CLCN7: variants seen among roughly 807,000 people sequenced by gnomAD.
CLCN7 encodes H(+)/Cl(-) exchange transporter 7.
A neutral mutation model predicts 102.1 loss-of-function variants in CLCN7; 60 were observed. The observed-to-expected ratio is 0.59, with a 90% CI of 0.48 to 0.73. The LOEUF (loss-of-function observed/expected upper bound fraction) is 0.73. Among genes scored for constraint, CLCN7 ranks in the 30% least tolerant of loss-of-function variants. The probability of loss-of-function intolerance (pLI) is 0.00; values close to 1 mark genes in which losing one functional copy is unlikely to be tolerated. For synonymous variants in CLCN7, 560 were observed against 490.5 expected (o/e 1.14, Z -1.87); for missense variants, 962 against 1,125.7 (o/e 0.85, Z 2.08).
intron 1 of CLCN7, among the ~76,000 whole-genome samples, chr16:1,472,369 T>C (rs8050355): frequency 0.17 from 25,172 of 151,944 alleles, 2,191 homozygotes; most frequent in African/African-American, 0.2. Flanking sequence ...TAGCTAGGAT[T>C]ACAGGCGCTC....
At chr16:1,455,567 G>A (rs2038822109) in intron 11 of CLCN7, 164 bp downstream of exon 11, 4 of 809,010 alleles carry the variant, frequency 4.9e-6, no homozygotes, top group South Asian at 2.9e-5. Flanking sequence ...GAACTGGGCA[G>A]CAAAGGCAGG....
Position 1,457,310 on chromosome 16 carries a change from C to G in CLCN7, c.766G>C (p.Val256Leu). The G allele has an allele frequency of 6.2e-7, 1 of 1,614,022 alleles. No individual in the cohort carries two copies. Among genetic ancestry groups the G allele is most frequent in the Non-Finnish European group, 8.5e-7 (1 of 1,180,036 alleles). Residue 256 changes from valine (V) to leucine (L), a missense_variant, in exon 9 of 25, where the codon GTG becomes CTG. Transcript: ENST00000382745. This position sits in a 1 kb window ranked among gnomAD's most constrained non-coding sequence, Gnocchi z 5.4. ...KEGPMIHSGS[V>L]IAAGISQGRS... The stretch of plus-strand genomic sequence containing the variant: ...CCCTGAGAGATCCCGGCGGCAATCA[C>G]TGAACCTGAGTGGATCATCGGCCCT...
chr16:1,447,450 C>T lies in CLCN7; in HGVS notation c.2192G>A (p.Arg731Gln), dbSNP rs369873953. The change falls in exon 23 of 25, where the codon CGG becomes CAG. Residue 731 changes from arginine (R) to glutamine (Q), a missense_variant. This residue lies in a region of CLCN7 where 799 missense variants were observed against 988.0 expected (regional missense o/e 0.81). Coordinates refer to ENST00000382745, the MANE Select transcript of CLCN7 (RefSeq NM_001287.6). The part of the protein sequence containing the change: ...IQSIHVSQDE[R>Q]ECTMDLSEFM... ...CTCGGAGAGGTCCATGGTGCACTCC[C>T]GCTCGTCCTGGGACACGTGGATGGA... 59 of 1,552,366 alleles carry T rather than the reference C, an allele frequency of 3.8e-5. No individual in the cohort carries two copies. Among genetic ancestry groups the T allele is most frequent in the East Asian group, 1.5e-4 (6 of 41,038 alleles).
At chr16:1,465,773 C>G (rs777665023) in intron 1 of CLCN7, among the ~76,000 whole-genome samples, 10 of 152,240 alleles carry the variant, frequency 6.6e-5, no homozygotes, top group Non-Finnish European at 1.2e-4. Context: ...CTCTCTGGGT[C>G]TTGAGACACA....
At chr16:1,462,603 T>A (rs1247730293) in intron 2 of CLCN7, among the ~76,000 whole-genome samples, 1 of 142,752 alleles carries the variant, frequency 7.0e-6, no homozygotes, top group Non-Finnish European at 1.5e-5. Flanking sequence ...CTCAAACTCT[T>A]GGCCTCAAGT....
intron 2 of CLCN7, 77 bp downstream of exon 2, chr16:1,465,190 G>A (rs911273748): frequency 7.7e-6 from 11 of 1,419,962 alleles, no homozygotes; most frequent in South Asian, 4.7e-5. Flanking sequence ...CCTGCCGCTC[G>A]GCCCGTGCCC....
At chr16:1,460,663 A>G (rs896406989) in intron 5 of CLCN7, 136 bp from the exon 6 acceptor site, 7 of 1,306,248 alleles carry the variant, frequency 5.4e-6, no homozygotes, top group Non-Finnish European at 6.5e-6. Context: ...CATCCCAGAG[A>G]CGTCTCACGG....
chr16:1,448,548 G>T, intron 20 of CLCN7, 64 bp from the exon 21 acceptor site: 1 of 1,602,528 alleles, frequency 6.2e-7, no homozygotes. Context: ...TTACCTCTGC[G>T]GGCTGGTGAG....
At chr16:1,454,261 C>T (rs2038798899) in intron 13 of CLCN7, 150 bp downstream of exon 13, 8 of 760,326 alleles carry the variant, frequency 1.1e-5, no homozygotes, top group Admixed American at 2.1e-5. Flanking sequence ...CCCACGTGTA[C>T]TGCCCATGGA....
chr16:1,459,874 C>A (rs1217471135), intron 6 of CLCN7, among the ~76,000 whole-genome samples: 6 of 64,770 alleles, frequency 9.3e-5, no homozygotes, highest in African/African-American at 2.3e-4. Context: ...GGAAGGGGAG[C>A]TCAGCACACA....
intron 2 of CLCN7, among the ~76,000 whole-genome samples, 169 bp from the exon 3 acceptor site, chr16:1,461,843 G>A (rs1428425209): frequency 6.6e-6 from 1 of 152,124 alleles, no homozygotes; most frequent in African/African-American, 2.4e-5. Flanking sequence ...CCAGCACTTT[G>A]GGAGGCCGAG....
At chr16:1,474,415 G>A (rs1378509645) in intron 1 of CLCN7, 2 of 338,180 alleles carry the variant, frequency 5.9e-6, no homozygotes, top group South Asian at 2.2e-5. Context: ...CTCCCAGGGG[G>A]TCAAAAACGC....
intron 17 of CLCN7, chr16:1,449,972 C>T (rs1319231236): frequency 1.7e-5 from 3 of 172,806 alleles, no homozygotes; most frequent in South Asian, 1.4e-4. Context: ...GAAGCATGGC[C>T]GGGGGCTTCC....
Position 1,448,745 on chromosome 16 carries a change from G to C in CLCN7, c.1819C>G (p.Gln607Glu). Residue 607 changes from glutamine (Q) to glutamate (E), a missense_variant, in exon 20 of 25, where the codon CAG becomes GAG. Physicochemically the swap from Gln to Glu is conservative, Grantham distance 29. Transcript: ENST00000382745. ...TGCAGGAAGGGCACACTCTGCAGCT[G>C]AATGTGCATGTCGTACAGGCCCTGC... is the stretch of plus-strand genomic sequence containing the variant. ...FIEGLYDMHIQLQSVPFLHWE... is the reference protein window; with the variant it reads ...FIEGLYDMHIELQSVPFLHWE... The C allele has an allele frequency of 1.9e-6, 3 of 1,612,496 alleles. No individual in the cohort carries two copies. The highest frequency in any genetic ancestry group is 2.5e-6 in the Non-Finnish European group (3 of 1,179,974).
intron 1 of CLCN7, among the ~76,000 whole-genome samples, chr16:1,466,434 G>A (rs540320677): frequency 2.0e-5 from 3 of 152,364 alleles, no homozygotes; most frequent in African/African-American, 7.2e-5. Flanking sequence ...TGGGGACGGG[G>A]AGACGTGCAG....
rs544878228 is a variant in CLCN7 at position 1,457,217 on chromosome 16, G to A, written c.822+37C>T. On this transcript the variant is annotated intron_variant, in intron 9 of 24. Coordinates refer to ENST00000382745, the MANE Select transcript of CLCN7 (RefSeq NM_001287.6). The surrounding 1 kb of genome is among the most constrained non-coding windows in gnomAD (Gnocchi z 5.4). ...GAGTGGTGCCCGTGCCCGTGCCCAT[G>A]GCATCTGGAGCCCACCCACACAAGA... 5.7e-6 allele frequency: 9 copies of A among 1,582,954 alleles called. No homozygotes were observed. In the African/African-American group the frequency reaches 1.1e-4, roughly 19 times the overall value.
chr16:1,446,812 G>C, intron 24 of CLCN7, 95 bp from the exon 25 acceptor site: 1 of 1,206,310 alleles, frequency 8.3e-7, no homozygotes, highest in Non-Finnish European at 1.2e-6. Flanking sequence ...AGCACAGGCA[G>C]GGGGCCCTGG....
intron 12 of CLCN7, 133 bp from the exon 13 acceptor site, chr16:1,454,598 C>T (rs777133501): frequency 6.3e-5 from 55 of 869,046 alleles, no homozygotes; most frequent in South Asian, 1.2e-4. Flanking sequence ...ACGCAGGCTG[C>T]GGAAGTCCAC....
chr16:1,458,741 T>C (rs1280795354), intron 7 of CLCN7, among the ~76,000 whole-genome samples: 2 of 152,142 alleles, frequency 1.3e-5, no homozygotes, highest in Admixed American at 6.5e-5. Context: ...TAAATGACCA[T>C]GAGGCAAACT....
Sources: gnomAD v4.1 joint callset for allele counts (sites outside exome capture counted in the v4.1 genomes callset) on GRCh38, gnomAD v4.1.1 for gene constraint, gnomAD v4.1.1 regional missense constraint, Gnocchi (gnomAD v3.1) non-coding constraint, MANE v1.5 for transcripts, NCBI Gene and HGNC (gene_info 2026-07-23, HGNC 2026-07-21) for gene names.